FAM131A: variants seen among roughly 807,000 people sequenced by gnomAD.
FAM131A encodes family with sequence similarity 131 member A.
In FAM131A, 24 loss-of-function variants were observed where a neutral mutation model predicts 39.2. The observed-to-expected ratio is 0.61, with a 90% confidence interval of 0.44 to 0.86. FAM131A has a LOEUF of 0.86. Ranked by LOEUF, FAM131A falls within the 40% of genes least tolerant of loss-of-function variation. The pLI is 0.00. For synonymous variants in FAM131A, 202 were observed against 206.8 expected (o/e 0.98, Z 0.20); for missense variants, 373 against 481.2 (o/e 0.78, Z 2.10).
Position 184,338,429 on chromosome 3 carries a change from C to T in FAM131A, c.131C>T (p.Pro44Leu). 6.7e-7 allele frequency: 1 copy of T among 1,499,472 alleles called. No individual in the cohort carries two copies. Among genetic ancestry groups the T allele is most frequent in the Non-Finnish European group, 8.9e-7 (1 of 1,129,320 alleles). 92.9% of individuals were successfully genotyped at this position (1,499,472 alleles called of 1,614,324 possible). ...PAWAVEWIELPRGLSLSSLGS... is the reference protein window; with the variant it reads ...PAWAVEWIELLRGLSLSSLGS... Reference sequence around the variant, plus strand: ...TGGGCTGTGGAGTGGATCGAACTTCCTCGGGGTCTCTCTCTATCCTCTTTG... The same window carrying T: ...TGGGCTGTGGAGTGGATCGAACTTCTTCGGGGTCTCTCTCTATCCTCTTTG... The change falls in exon 2 of 6, where the codon CCT (proline) becomes CTT (leucine). Residue 44 changes from proline to leucine, a missense_variant. Transcript: ENST00000383847.
Position 184,345,886 on chromosome 3 carries a change from G to A in FAM131A, c.*916G>A. ...CGGGAGTTGTCAGCTGATGCCTGCT[G>A]AGAGGCAGGAATTGTGCCAGTGAGT... On this transcript the variant is annotated 3_prime_UTR_variant, in exon 6 of 6. Coordinates refer to ENST00000383847, the MANE Select transcript of FAM131A (RefSeq NM_144635.5). The A allele has an allele frequency of 2.3e-6, 1 of 437,770 alleles. No individual in the cohort carries two copies. Among genetic ancestry groups the A allele is most frequent in the African/African-American group, 2.0e-5 (1 of 48,982 alleles). The allele number at this position is 437,770 out of a possible 1,614,324, so 27.1% of individuals were successfully genotyped here.
chr3:184,337,616 A>G lies in FAM131A; in HGVS notation c.-15A>G, dbSNP rs1224164718. 7.2e-6 allele frequency: 11 copies of G among 1,537,178 alleles called. No individual in the cohort carries two copies. The highest frequency in any genetic ancestry group is 9.6e-6 in the Non-Finnish European group (11 of 1,146,878). On this transcript the variant is annotated 5_prime_UTR_variant, in exon 1 of 6. Coordinates refer to ENST00000383847, the MANE Select transcript of FAM131A (RefSeq NM_144635.5). ...CGGTTCTGGGCTTTTGGTTCTCTGC[A>G]TCAACACAGCCAGCATGCCTATGAT...
At position 184,345,949 on chromosome 3, in the gene FAM131A, G is replaced by A; in HGVS notation, c.*979G>A. On this transcript the variant is annotated 3_prime_UTR_variant, in exon 6 of 6. Coordinates refer to ENST00000383847, the MANE Select transcript of FAM131A (RefSeq NM_144635.5). Reference sequence around the variant, plus strand: ...GGAGTGTCTCTTCTTGGGGAGGAAAGAAGGTAGAGCCTTTCTGTCTGAATG... The same window carrying A: ...GGAGTGTCTCTTCTTGGGGAGGAAAAAAGGTAGAGCCTTTCTGTCTGAATG... 1 of 293,242 alleles carries A rather than the reference G, an allele frequency of 3.4e-6. No homozygotes were observed. The highest frequency in any genetic ancestry group is 6.3e-6 in the Non-Finnish European group (1 of 157,948). 18.2% of individuals were successfully genotyped at this position (293,242 alleles called of 1,614,324 possible).
Position 184,341,713 on chromosome 3 carries a change from T to C in FAM131A, c.232-11T>C. ...CAGAGGGGCACTGACTTTCTAATGG[T>C]GTTACCCAAGGTGAATGTTGGAGAC... On this transcript the variant is annotated splice_polypyrimidine_tract_variant and intron_variant, in intron 2 of 5. Coordinates refer to ENST00000383847, the MANE Select transcript of FAM131A (RefSeq NM_144635.5). The C allele has an allele frequency of 6.2e-7, 1 of 1,603,480 alleles. No individual in the cohort carries two copies. Among genetic ancestry groups the C allele is most frequent in the South Asian group, 1.1e-5 (1 of 90,950 alleles).
Position 184,341,832 on chromosome 3 carries a change from C to T in FAM131A, c.325+15C>T, listed in dbSNP as rs561344087. 20 of 1,613,890 alleles carry T rather than the reference C, an allele frequency of 1.2e-5. No individual in the cohort carries two copies. The South Asian group carries it at 1.9e-4, about 15-fold the overall frequency. The stretch of plus-strand genomic sequence containing the variant: ...CTCCCTGCATGGTATGCAGCCCCTC[C>T]CATGTTTCTGGCCACTTTGTCCTTT... On this transcript the variant is annotated intron_variant, in intron 3 of 5. Coordinates refer to ENST00000383847, the MANE Select transcript of FAM131A (RefSeq NM_144635.5).
In FAM131A at chr3:184,345,344, C is replaced by A. The variant is rs1727594155; in HGVS notation, c.*374C>A. ...TGTGAGGGTGGGGTGGGAGGGGGCC[C>A]AGCAACCCCCCACCCTCCCCATGCC... On this transcript the variant is annotated 3_prime_UTR_variant, in exon 6 of 6. Transcript: ENST00000383847. 1.7e-6 allele frequency: 1 copy of A among 596,868 alleles called. No homozygotes were observed. The highest frequency in any genetic ancestry group is 3.1e-5 in the Admixed American group (1 of 32,506). The allele number at this position is 596,868 out of a possible 1,614,324, so 37.0% of individuals were successfully genotyped here. A position where few individuals can be genotyped will look rare whatever the true frequency, so the allele number is the denominator to read the frequency against.
At chr3:184,336,131 G>A (rs1727068965), upstream of FAM131A, 1 of 152,358 alleles carries the variant, frequency 6.6e-6, no homozygotes, top group South Asian at 2.1e-4. This position sits in a 1 kb window ranked among gnomAD's most constrained non-coding sequence, Gnocchi z 5.5. Context: ...AGGGTAAGAG[G>A]CGGAGGCCGG....
intron 3 of FAM131A, 22 bp downstream of exon 3, chr3:184,341,839 T>G (rs748027446): frequency 8.1e-6 from 13 of 1,613,298 alleles, no homozygotes; most frequent in Non-Finnish European, 1.0e-5. Context: ...CTCCCATGTT[T>G]CTGGCCACTT....
Position 184,342,917 on chromosome 3 carries a change from C to A in FAM131A, c.625+57C>A. The A allele has an allele frequency of 1.4e-6, 2 of 1,424,466 alleles. No homozygotes were observed. The highest frequency in any genetic ancestry group is 2.0e-6 in the Non-Finnish European group (2 of 1,011,112). 88.2% of individuals were successfully genotyped at this position (1,424,466 alleles called of 1,614,324 possible). Reference sequence around the variant, plus strand: ...GACCCACCTGATAGACCTTGGCATTCTTTCAGAGCCACATCCAGAACACTC... The same window carrying A: ...GACCCACCTGATAGACCTTGGCATTATTTCAGAGCCACATCCAGAACACTC... On this transcript the variant is annotated intron_variant, in intron 5 of 5. Coordinates refer to ENST00000383847, the MANE Select transcript of FAM131A (RefSeq NM_144635.5). This position sits in a 1 kb window ranked among gnomAD's most constrained non-coding sequence, Gnocchi z 4.6.
intron 2 of FAM131A, 155 bp downstream of exon 2, chr3:184,338,684 G>C: frequency 1.1e-6 from 1 of 944,404 alleles, no homozygotes; most frequent in Non-Finnish European, 1.5e-6. Flanking sequence ...CCCCGTGCCG[G>C]TCTGCTCTGC....
rs1345252911 is a variant in FAM131A at position 184,342,284 on chromosome 3, C to T, written c.508+36C>T. 1.9e-6 allele frequency: 3 copies of T among 1,540,868 alleles called. No homozygotes were observed. Among genetic ancestry groups the T allele is most frequent in the African/African-American group, 2.8e-5 (2 of 72,114 alleles). ...GAAAGGGGATAAGCTACACTCTTGG[C>T]ACAGGGCTGCTTTCTTTCTTTATTT... On this transcript the variant is annotated intron_variant, in intron 4 of 5. Transcript: ENST00000383847. This position sits in a 1 kb window ranked among gnomAD's most constrained non-coding sequence, Gnocchi z 4.6.
intron 2 of FAM131A, 77 bp from the exon 3 acceptor site, chr3:184,341,647 T>A (rs1727384267): frequency 8.0e-7 from 1 of 1,243,110 alleles, no homozygotes; most frequent in South Asian, 1.3e-5. Flanking sequence ...TCCTCATGCC[T>A]TTGCTGGGTA....
chr3:184,336,611 T>A (rs115759437), upstream of FAM131A, among the ~76,000 whole-genome samples: 2,717 of 152,292 alleles, frequency 0.018, 74 homozygotes, highest in African/African-American at 0.062. The surrounding 1 kb of genome is among the most constrained non-coding windows in gnomAD (Gnocchi z 5.5). Context: ...CTAAGCACCC[T>A]ACCACAGAAT....
chr3:184,337,493 G>A (rs968791590), upstream of FAM131A: 17 of 737,388 alleles, frequency 2.3e-5, no homozygotes, highest in South Asian at 1.9e-4. Context: ...AGGCAGGAAT[G>A]TTCTCCTTAT....
At chr3:184,337,484 G>A (rs1727172395), upstream of FAM131A, 4 of 702,970 alleles carry the variant, frequency 5.7e-6, no homozygotes, top group South Asian at 3.5e-5. Context: ...AGAGCCATGA[G>A]GCAGGAATGT....
Position 184,337,604 on chromosome 3 carries a change from T to C in FAM131A, c.-27T>C, listed in dbSNP as rs1333984034. On this transcript the variant is annotated 5_prime_UTR_variant, in exon 1 of 6. Transcript: ENST00000383847. ...CTGAGCCTGGAGCGGTTCTGGGCTT[T>C]TGGTTCTCTGCATCAACACAGCCAG... 1.3e-6 allele frequency: 2 copies of C among 1,536,486 alleles called. No homozygotes were observed. The highest frequency in any genetic ancestry group is 2.7e-5 in the African/African-American group (2 of 73,026).
intron 2 of FAM131A, 41 bp from the exon 3 acceptor site, chr3:184,341,683 G>C (rs578184852): frequency 6.4e-7 from 1 of 1,560,154 alleles, no homozygotes; most frequent in Non-Finnish European, 8.7e-7. Flanking sequence ...GAAGGTCATT[G>C]CTGTCAGAGG....
chr3:184,339,319 C>T (rs920619941), intron 2 of FAM131A: 1 of 152,200 alleles, frequency 6.6e-6, no homozygotes, highest in African/African-American at 2.4e-5. Flanking sequence ...TGAGATGGGC[C>T]TTAAGTGATG....
Position 184,342,754 on chromosome 3 carries a change from G to A in FAM131A, c.519G>A (p.Glu173=). ...QEARFAAGVA[E]QFAIAEAKLR... ...CTGTCCCTGCGACAGGAGTGGCTGAGCAGTTTGCCATCGCGGAAGCCAAGC... is the reference window on the plus strand; with the variant it reads ...CTGTCCCTGCGACAGGAGTGGCTGAACAGTTTGCCATCGCGGAAGCCAAGC... The change falls in exon 5 of 6, where the codon GAG becomes GAA. Residue 173 remains glutamate, a synonymous_variant. Transcript: ENST00000383847. This position sits in a 1 kb window ranked among gnomAD's most constrained non-coding sequence, Gnocchi z 4.6. 1 of 1,613,270 alleles carries A rather than the reference G, an allele frequency of 6.2e-7. No individual in the cohort carries two copies. Among genetic ancestry groups the A allele is most frequent in the Non-Finnish European group, 8.5e-7 (1 of 1,179,448 alleles).
Sources: allele counts gnomAD v4.1 joint callset (sites outside exome capture counted in the v4.1 genomes callset), GRCh38; gene constraint gnomAD v4.1.1; non-coding constraint Gnocchi (gnomAD v3.1); transcripts MANE v1.5; gene names NCBI Gene and HGNC (gene_info 2026-07-23, HGNC 2026-07-21).